Variants in SHC3 observed in about 807,000 individuals in gnomAD.
SHC3 encodes the protein SHC adaptor protein 3, also known as SHC-transforming protein 3.
In SHC3, 15 loss-of-function variants were observed where a neutral mutation model predicts 60.4. The ratio of observed to expected loss-of-function variants is 0.25; its 90% CI spans 0.17 to 0.38. The LOEUF (loss-of-function observed/expected upper bound fraction) is 0.38. Among genes scored for constraint, SHC3 ranks in the 10% least tolerant of loss-of-function variants. SHC3 has a pLI of 1.00. For missense variants in SHC3, 677 were observed against 786.1 expected (o/e 0.86, Z 1.66); for synonymous variants, 294 against 325.9 (o/e 0.90, Z 1.05).
intron 1 of SHC3, among the ~76,000 whole-genome samples, chr9:89,128,524 C>G (rs748777453): frequency 8.5e-5 from 13 of 152,168 alleles, no homozygotes; most frequent in Non-Finnish European, 1.5e-4. Context: ...ACACCTCATA[C>G]AGCTCGGTGC....
chr9:89,153,508 C>T (rs1587757405), intron 1 of SHC3, among the ~76,000 whole-genome samples: 1 of 152,190 alleles, frequency 6.6e-6, no homozygotes, highest in Non-Finnish European at 1.5e-5. Context: ...TTGTCCTTTG[C>T]CTTTTGTGAT....
At chr9:89,125,740 A>G (rs958630680) in intron 1 of SHC3, among the ~76,000 whole-genome samples, 2 of 152,200 alleles carry the variant, frequency 1.3e-5, no homozygotes, top group Admixed American at 6.5e-5. Context: ...ATGACAGTTT[A>G]CAAATGCCAG....
At chr9:89,018,343 G>T (rs1826131596) in intron 11 of SHC3, among the ~76,000 whole-genome samples, 1 of 152,112 alleles carries the variant, frequency 6.6e-6, no homozygotes, top group African/African-American at 2.4e-5. Flanking sequence ...CCTTTGCAGG[G>T]ACATGGATGA....
At chr9:89,071,409 C>T (rs751149550) in intron 4 of SHC3, among the ~76,000 whole-genome samples, 157 bp from the exon 5 acceptor site, 1 of 152,126 alleles carries the variant, frequency 6.6e-6, no homozygotes, top group Non-Finnish European at 1.5e-5. Context: ...AGCAATAGAT[C>T]ACCTTTCAAA....
At chr9:89,086,025 T>C (rs1825524007) in intron 2 of SHC3, among the ~76,000 whole-genome samples, 1 of 152,208 alleles carries the variant, frequency 6.6e-6, no homozygotes, top group African/African-American at 2.4e-5. Context: ...ATGACACATC[T>C]ATGAATCTAT....
At chr9:89,094,528 A>G (rs1825671574) in intron 2 of SHC3, among the ~76,000 whole-genome samples, 2 of 152,214 alleles carry the variant, frequency 1.3e-5, no homozygotes, top group South Asian at 4.1e-4. Flanking sequence ...AACAGCCACA[A>G]TTGACATTTA....
At chr9:89,030,517 AG>A (rs1824469563) in intron 11 of SHC3, among the ~76,000 whole-genome samples, 1 of 152,236 alleles carries the variant, frequency 6.6e-6, no homozygotes, top group Admixed American at 6.5e-5. Flanking sequence ...TAATCTGAAT[AG>A]ACCTATAACA....
chr9:89,156,378 C>G (rs1310518018), intron 1 of SHC3, among the ~76,000 whole-genome samples: 2 of 152,144 alleles, frequency 1.3e-5, no homozygotes, highest in African/African-American at 2.4e-5. Context: ...AGGGAAGACC[C>G]TGAACTGAAA....
chr9:89,039,934 GGCAGCAGTAACAGCA>G (rs887936427), intron 10 of SHC3, among the ~76,000 whole-genome samples: 1 of 145,952 alleles, frequency 6.9e-6, no homozygotes, highest in Non-Finnish European at 1.5e-5. Context: ...CAACAGGAGC[GGCAGCAGTAACAGCA>G]GCAGCAGTAG....
At chr9:89,040,399 C>T (rs1279979745) in intron 10 of SHC3, among the ~76,000 whole-genome samples, 1 of 151,786 alleles carries the variant, frequency 6.6e-6, no homozygotes, top group Non-Finnish European at 1.5e-5. Flanking sequence ...TTCTAAGGCT[C>T]TTTTCACATC....
chr9:89,035,385 T>C (rs542171970), intron 11 of SHC3, among the ~76,000 whole-genome samples: 1 of 152,232 alleles, frequency 6.6e-6, no homozygotes, highest in African/African-American at 2.4e-5. Flanking sequence ...AATATATATA[T>C]GAAGCTCAGT....
At chr9:89,047,521 A>G (rs1195083578) in intron 7 of SHC3, among the ~76,000 whole-genome samples, 2 of 152,236 alleles carry the variant, frequency 1.3e-5, no homozygotes, top group African/African-American at 2.4e-5. Flanking sequence ...TGTATCTAGA[A>G]TATATAAAGT....
At chr9:89,145,917 T>C (rs889659758) in intron 1 of SHC3, among the ~76,000 whole-genome samples, 8 of 152,208 alleles carry the variant, frequency 5.3e-5, no homozygotes, top group Non-Finnish European at 1.2e-4. Context: ...TTAAAATATA[T>C]ATTACTTTTT....
At chr9:89,102,086 A>C (rs1825791648) in intron 2 of SHC3, among the ~76,000 whole-genome samples, 1 of 152,110 alleles carries the variant, frequency 6.6e-6, no homozygotes, top group Non-Finnish European at 1.5e-5. Flanking sequence ...ATTTCATCTA[A>C]GTTGTTAAAT....
At chr9:89,128,750 G>A (rs1023581425) in intron 1 of SHC3, among the ~76,000 whole-genome samples, 5 of 152,110 alleles carry the variant, frequency 3.3e-5, no homozygotes, top group Non-Finnish European at 4.4e-5. Flanking sequence ...CCATCTGTAC[G>A]TCACCATCAT....
At chr9:89,090,456 T>C (rs922646575) in intron 2 of SHC3, among the ~76,000 whole-genome samples, 1 of 152,228 alleles carries the variant, frequency 6.6e-6, no homozygotes, top group Non-Finnish European at 1.5e-5. Context: ...CCACTAGTTT[T>C]GGCCGGCTGC....
intron 5 of SHC3, among the ~76,000 whole-genome samples, chr9:89,068,668 T>A (rs186274260): frequency 0.027 from 4,128 of 151,180 alleles, 54 homozygotes; most frequent in African/African-American, 0.039. Flanking sequence ...CAATTTTTTT[T>A]AAAAAAAAAT....
At chr9:89,070,111 C>A (rs929518138) in intron 5 of SHC3, among the ~76,000 whole-genome samples, 4 of 152,164 alleles carry the variant, frequency 2.6e-5, no homozygotes, top group Non-Finnish European at 4.4e-5. Context: ...ATAACAAAAA[C>A]ACCACCTCTA....
intron 2 of SHC3, among the ~76,000 whole-genome samples, chr9:89,086,836 C>T (rs897417103): frequency 6.6e-6 from 1 of 152,150 alleles, no homozygotes; most frequent in African/African-American, 2.4e-5. Flanking sequence ...GGACAAAGAC[C>T]AAATGCATAT....
Sources: allele counts gnomAD v4.1 joint callset (sites outside exome capture counted in the v4.1 genomes callset), GRCh38; gene constraint gnomAD v4.1.1; transcripts MANE v1.5; gene names NCBI Gene and HGNC (gene_info 2026-07-23, HGNC 2026-07-21).